The following TFAP2D variants were observed in gnomAD, a reference collection of about 807,000 sequenced individuals.
The protein encoded by TFAP2D is transcription factor AP-2 delta.
TFAP2D carries 9 observed loss-of-function variants against 43.6 expected under a neutral mutation model. The observed-to-expected ratio is 0.21, with a 90% CI of 0.12 to 0.36. The LOEUF (loss-of-function observed/expected upper bound fraction) is 0.36. Among genes scored for constraint, TFAP2D ranks in the 10% least tolerant of loss-of-function variants. TFAP2D has a pLI of 1.00. For missense variants in TFAP2D, 513 were observed against 561.4 expected (o/e 0.91, Z 0.87); for synonymous variants, 256 against 224.9 (o/e 1.14, Z -1.24).
At chr6:50,766,336 G>A (rs2113894679) in intron 7 of TFAP2D, among the ~76,000 whole-genome samples, 1 of 152,098 alleles carries the variant, frequency 6.6e-6, no homozygotes, top group African/African-American at 2.4e-5. Context: ...GATTGCTTTG[G>A]CTATTTAGGG....
chr6:50,729,236 G>A lies in TFAP2D; in HGVS notation c.807G>A (p.Leu269=), dbSNP rs866861904. 1 of 1,613,934 alleles carries A rather than the reference G, an allele frequency of 6.2e-7. No individual in the cohort carries two copies. The highest frequency in any genetic ancestry group is 8.5e-7 in the Non-Finnish European group (1 of 1,179,868). ...GGGGCCGCTGCCTGAGAGAGAAATT[G>A]GATAGGCTTGGCTTAAACTTACCAG... ...KNGGRCLREK[L]DRLGLNLPAG... is the part of the protein sequence containing the mutation. Residue 269 remains leucine, a synonymous_variant, in exon 5 of 8, where the codon TTG becomes TTA. Coordinates refer to ENST00000008391, the MANE Select transcript of TFAP2D (RefSeq NM_172238.4).
At chr6:50,758,014 G>A (rs750920228) in intron 7 of TFAP2D, among the ~76,000 whole-genome samples, 1 of 150,758 alleles carries the variant, frequency 6.6e-6, no homozygotes, top group Admixed American at 6.7e-5. Context: ...TCTCAATTGG[G>A]TCCTGTGTAT....
At position 50,749,312 on chromosome 6, in the gene TFAP2D, G is replaced by A. The variant is rs569545410; in HGVS notation, c.1026-1899G>A. Among the ~76,000 whole-genome samples the A allele has an allele frequency of 2.6e-5, 4 of 151,780 alleles. No individual in the cohort carries two copies. The South Asian group carries it at 8.3e-4, about 32-fold the overall frequency. Reference sequence around the variant, plus strand: ...TATAACTTGCTGTATTATTCATACAGGAACAAAGTTGATTTGTCAACTTAA... The same window carrying A: ...TATAACTTGCTGTATTATTCATACAAGAACAAAGTTGATTTGTCAACTTAA... On this transcript the variant is annotated intron_variant, in intron 6 of 7. Transcript: ENST00000008391.
chr6:50,741,391 A>G (rs1277454298), intron 5 of TFAP2D, among the ~76,000 whole-genome samples: 1 of 152,100 alleles, frequency 6.6e-6, no homozygotes, highest in Non-Finnish European at 1.5e-5. Flanking sequence ...TCACCCAGGT[A>G]TTAAGGCTAG....
At position 50,715,021 on chromosome 6, in the gene TFAP2D, A is replaced by T. The variant is rs565702938; in HGVS notation, c.40-95A>T. 10 of 1,500,898 alleles carry T rather than the reference A, an allele frequency of 6.7e-6. No homozygotes were observed. In the African/African-American group the frequency reaches 1.2e-4, roughly 19 times the overall value. 93.0% of individuals were successfully genotyped at this position (1,500,898 alleles called of 1,614,324 possible). A position where few individuals can be genotyped will look rare whatever the true frequency, so the allele number is the denominator to read the frequency against. ...ACGCGCTCGCTTTCCTTGGAGTGCC[A>T]GAGAAAGCTCCTGGCTCCGGGAGAG... On this transcript the variant is annotated intron_variant, in intron 1 of 7. Coordinates refer to ENST00000008391, the MANE Select transcript of TFAP2D (RefSeq NM_172238.4).
intron 6 of TFAP2D, among the ~76,000 whole-genome samples, chr6:50,746,295 G>T (rs1769124364): frequency 6.6e-6 from 1 of 152,036 alleles, no homozygotes; most frequent in African/African-American, 2.4e-5. Flanking sequence ...GGAGTACAGT[G>T]GTGCGATCAT....
chr6:50,757,471 T>G lies in TFAP2D; in HGVS notation c.1139+6147T>G, dbSNP rs1412000961. Among the ~76,000 whole-genome samples the G allele has an allele frequency of 4.5e-5, 5 of 110,496 alleles. No homozygotes were observed. The South Asian group carries it at 1.1e-3, about 23-fold the overall frequency. 72.5% of individuals were successfully genotyped at this position (110,496 alleles called of 152,430 possible). On this transcript the variant is annotated intron_variant, in intron 7 of 7. Transcript: ENST00000008391. The stretch of plus-strand genomic sequence containing the variant: ...TTATTCTATATATATATAATATATA[T>G]AATTATTCTATATATATATAATATA...
chr6:50,768,036 A>G (rs1433113342), intron 7 of TFAP2D, among the ~76,000 whole-genome samples: 1 of 152,206 alleles, frequency 6.6e-6, no homozygotes, highest in African/African-American at 2.4e-5. Flanking sequence ...CCCTGGTGAT[A>G]TTTGCATGTG....
At position 50,719,059 on chromosome 6, in the gene TFAP2D, A is replaced by G. The variant is rs755553607; in HGVS notation, c.538-31A>G. 2.2e-5 allele frequency: 35 copies of G among 1,608,694 alleles called. No individual in the cohort carries two copies. The South Asian group carries it at 3.0e-4, about 14-fold the overall frequency. On this transcript the variant is annotated intron_variant, in intron 2 of 7. Transcript: ENST00000008391. Reference sequence around the variant, plus strand: ...TGGTCATGCATATGAGTATCCATTTAAGTAATTTTATTTCTGTTTCTTTTA... The same window carrying G: ...TGGTCATGCATATGAGTATCCATTTGAGTAATTTTATTTCTGTTTCTTTTA...
chr6:50,723,811 G>A (rs1418456311), intron 3 of TFAP2D, among the ~76,000 whole-genome samples: 2 of 152,106 alleles, frequency 1.3e-5, no homozygotes, highest in African/African-American at 2.4e-5. Flanking sequence ...ACTGGGGAAT[G>A]GGGATTAATC....
chr6:50,756,099 G>A (rs548416575), intron 7 of TFAP2D, among the ~76,000 whole-genome samples: 1 of 152,132 alleles, frequency 6.6e-6, no homozygotes, highest in African/African-American at 2.4e-5. Flanking sequence ...GTAGGCTCAA[G>A]CAGTCTGCCC....
chr6:50,738,847 A>C (rs889019848), intron 5 of TFAP2D, among the ~76,000 whole-genome samples: 5 of 152,180 alleles, frequency 3.3e-5, no homozygotes, highest in Admixed American at 3.3e-4. Context: ...ATCCAGCCAG[A>C]TAGAGGCTCT....
intron 7 of TFAP2D, among the ~76,000 whole-genome samples, chr6:50,753,791 G>C (rs1769229510): frequency 6.6e-6 from 1 of 151,790 alleles, no homozygotes; most frequent in African/African-American, 2.4e-5. Flanking sequence ...ATATTAGAAA[G>C]TTATGATTTC....
chr6:50,769,052 C>T lies in TFAP2D; in HGVS notation c.1140-3593C>T, dbSNP rs142731034. On this transcript the variant is annotated intron_variant, in intron 7 of 7. Transcript: ENST00000008391. ...GATTACAGGCATGCACCACCACACC[C>T]GGCTAATTTTTTTTTTGTATTTTTA... is the stretch of plus-strand genomic sequence containing the variant. Among the ~76,000 whole-genome samples the T allele has an allele frequency of 5.3e-5, 8 of 151,522 alleles. No individual in the cohort carries two copies. In the East Asian group the frequency reaches 9.7e-4, roughly 18 times the overall value.
At chr6:50,751,514 G>A (rs1665096102) in intron 7 of TFAP2D, among the ~76,000 whole-genome samples, 190 bp downstream of exon 7, 2 of 151,878 alleles carry the variant, frequency 1.3e-5, no homozygotes, top group Admixed American at 1.3e-4. Context: ...TTACAGTTTG[G>A]AGGCCTGGGA....
At chr6:50,747,253 T>G (rs1769138184) in intron 6 of TFAP2D, among the ~76,000 whole-genome samples, 1 of 152,140 alleles carries the variant, frequency 6.6e-6, no homozygotes, top group African/African-American at 2.4e-5. Context: ...GCACATATAG[T>G]TAGTTTGAAT....
intron 5 of TFAP2D, among the ~76,000 whole-genome samples, chr6:50,731,095 G>C (rs1273670585): frequency 6.6e-6 from 1 of 152,012 alleles, no homozygotes; most frequent in African/African-American, 2.4e-5. Flanking sequence ...CTAGCTTCAA[G>C]GGTGCAGGTC....
chr6:50,730,897 T>C (rs897657871), intron 5 of TFAP2D, among the ~76,000 whole-genome samples: 5 of 152,096 alleles, frequency 3.3e-5, no homozygotes, highest in African/African-American at 1.2e-4. Context: ...TGATTGTGTA[T>C]GAATGCTCAT....
At chr6:50,716,791 G>C (rs1489303562) in intron 2 of TFAP2D, among the ~76,000 whole-genome samples, 1 of 152,154 alleles carries the variant, frequency 6.6e-6, no homozygotes, top group Non-Finnish European at 1.5e-5. Context: ...AGGACAAATA[G>C]GGAAATATTC....
Sources: gnomAD v4.1 joint callset for allele counts (sites outside exome capture counted in the v4.1 genomes callset) on GRCh38, gnomAD v4.1.1 for gene constraint, MANE v1.5 for transcripts, NCBI Gene and HGNC (gene_info 2026-07-23, HGNC 2026-07-21) for gene names.